Variants in PRKG1 observed in about 807,000 individuals in gnomAD.
The protein encoded by PRKG1 is protein kinase cGMP-dependent 1.
Under a neutral mutation model 88.1 loss-of-function variants are expected in PRKG1, and 35 were observed. That is an observed-to-expected ratio of 0.40 (90% CI 0.30 to 0.53). The LOEUF (loss-of-function observed/expected upper bound fraction) is 0.53, where lower values mean the gene tolerates loss of function less well. Among genes scored for constraint, PRKG1 ranks in the 20% least tolerant of loss-of-function variants. The pLI is 0.59. For synonymous variants in PRKG1, 303 were observed against 292.5 expected (o/e 1.04, Z -0.37); for missense variants, 540 against 839.8 (o/e 0.64, Z 4.41).
At chr10:51,259,765 C>G (rs993637250) in intron 2 of PRKG1, among the ~76,000 whole-genome samples, 1 of 152,144 alleles carries the variant, frequency 6.6e-6, no homozygotes, top group Admixed American at 6.5e-5. Context: ...CATGAGCCAC[C>G]GCGCCTGGCC....
chr10:51,179,017 A>G (rs1360226643), intron 2 of PRKG1, among the ~76,000 whole-genome samples: 2 of 152,184 alleles, frequency 1.3e-5, no homozygotes, highest in African/African-American at 4.8e-5. Context: ...TTTATTATGT[A>G]TGAGCAAATA....
intron 3 of PRKG1, among the ~76,000 whole-genome samples, chr10:51,685,740 G>T (rs1840971596): frequency 1.3e-5 from 2 of 152,124 alleles, no homozygotes; most frequent in Admixed American, 1.3e-4. Flanking sequence ...TGAACAGCTG[G>T]AAATGAACTG....
chr10:51,882,376 C>T (rs982930853), intron 4 of PRKG1, among the ~76,000 whole-genome samples: 1 of 152,150 alleles, frequency 6.6e-6, no homozygotes, highest in Non-Finnish European at 1.5e-5. Flanking sequence ...CTTCTTGCTA[C>T]CACCTGGTGT....
At chr10:51,910,603 A>T (rs1056336878) in intron 5 of PRKG1, 2 of 152,198 alleles carry the variant, frequency 1.3e-5, no homozygotes, top group African/African-American at 4.8e-5. Context: ...AGAGGGGAAT[A>T]TTAAGCCCTC....
intron 3 of PRKG1, among the ~76,000 whole-genome samples, chr10:51,659,419 G>T (rs1292957008): frequency 6.6e-6 from 1 of 152,076 alleles, no homozygotes; most frequent in African/African-American, 2.4e-5. Context: ...GAGCCATCTG[G>T]CTGGGAGAAC....
At chr10:52,126,065 C>T (rs578189760) in intron 7 of PRKG1, 1 of 152,064 alleles carries the variant, frequency 6.6e-6, no homozygotes, top group African/African-American at 2.4e-5. Flanking sequence ...CAATTTAAAA[C>T]GTATGACTTG....
intron 5 of PRKG1, among the ~76,000 whole-genome samples, chr10:51,954,284 G>A (rs1843252753): frequency 1.3e-5 from 2 of 152,104 alleles, no homozygotes; most frequent in South Asian, 2.1e-4. Context: ...GTCTAAATAT[G>A]AAATGAACCA....
chr10:51,043,862 T>C (rs867638020), intron 1 of PRKG1, among the ~76,000 whole-genome samples: 5 of 152,158 alleles, frequency 3.3e-5, no homozygotes, highest in African/African-American at 1.2e-4. Flanking sequence ...GAGTTCTAGA[T>C]TGCTGACAGT....
chr10:51,874,917 G>A (rs1217673802), intron 4 of PRKG1, among the ~76,000 whole-genome samples: 1 of 152,124 alleles, frequency 6.6e-6, no homozygotes, highest in East Asian at 1.9e-4. Flanking sequence ...ATTAATTTGA[G>A]CCCCTACTGT....
At chr10:52,029,782 C>T (rs1379207629) in intron 5 of PRKG1, among the ~76,000 whole-genome samples, 1 of 152,082 alleles carries the variant, frequency 6.6e-6, no homozygotes, top group Admixed American at 6.6e-5. Context: ...TGCATGGTTC[C>T]CTTAGTTGTG....
intron 9 of PRKG1, among the ~76,000 whole-genome samples, chr10:52,175,863 T>TAA (rs1410091948): frequency 2.6e-5 from 4 of 152,156 alleles, no homozygotes; most frequent in African/African-American, 9.6e-5. Flanking sequence ...GCTGTTGAGA[T>TAA]GTTTGAGTTC....
chr10:51,904,328 A>T (rs1181368437), intron 4 of PRKG1, among the ~76,000 whole-genome samples: 1 of 152,108 alleles, frequency 6.6e-6, no homozygotes, highest in Non-Finnish European at 1.5e-5. Context: ...TCAGTTTTCT[A>T]AAGGATAGAA....
chr10:52,232,745 A>G (rs1386933550), intron 9 of PRKG1, among the ~76,000 whole-genome samples: 1 of 152,154 alleles, frequency 6.6e-6, no homozygotes, highest in East Asian at 1.9e-4. Flanking sequence ...TTCACACACT[A>G]AGTCCCTCAA....
intron 2 of PRKG1, among the ~76,000 whole-genome samples, chr10:51,237,088 A>G (rs1291816123): frequency 6.6e-6 from 1 of 152,220 alleles, no homozygotes; most frequent in Non-Finnish European, 1.5e-5. Flanking sequence ...TGCTCAGATA[A>G]CAAAGTTCAT....
At chr10:51,473,306 A>AT (rs1001722347) in intron 3 of PRKG1, among the ~76,000 whole-genome samples, 4 of 151,606 alleles carry the variant, frequency 2.6e-5, no homozygotes, top group Non-Finnish European at 4.4e-5. Flanking sequence ...TTTTAATCTC[A>AT]TTTTTTTTGT....
chr10:52,280,768 CA>C lies in PRKG1; in HGVS notation c.1404-20del. ...AGAAATTAATTTTTTATACAATTTTCATTCCATTTCTGCACCTCAGAGGTTC... is the reference window on the plus strand; with the variant it reads ...AGAAATTAATTTTTTATACAATTTTCTTCCATTTCTGCACCTCAGAGGTTC... On this transcript the variant is annotated intron_variant, in intron 12 of 17. Coordinates refer to ENST00000373980, the MANE Select transcript of PRKG1 (RefSeq NM_006258.4). The C allele has an allele frequency of 6.2e-7, 1 of 1,601,572 alleles. No individual in the cohort carries two copies.
Position 51,132,921 on chromosome 10 carries a change from T to C in PRKG1, c.312-20243T>C, listed in dbSNP as rs181113289. 3.3e-3 allele frequency among the ~76,000 whole-genome samples: 499 copies of C among 152,180 alleles called. 6 individuals carry two copies. The highest frequency in any genetic ancestry group is 0.033 in the South Asian group (157 of 4,818). On this transcript the variant is annotated intron_variant, in intron 1 of 17. Coordinates refer to ENST00000373980, the MANE Select transcript of PRKG1 (RefSeq NM_006258.4). ...CATCAGAGTGTACCCCATAAATGTA[T>C]ATAATTATGATTTGTTAATCAAAAA...
At chr10:51,879,677 G>A (rs764424359) in intron 4 of PRKG1, among the ~76,000 whole-genome samples, 3 of 152,184 alleles carry the variant, frequency 2.0e-5, no homozygotes, top group African/African-American at 7.2e-5. Flanking sequence ...CCTATGTGTA[G>A]ATTTAGTATA....
At chr10:51,048,702 G>T (rs1946381925) in intron 1 of PRKG1, among the ~76,000 whole-genome samples, 1 of 152,156 alleles carries the variant, frequency 6.6e-6, no homozygotes, top group Non-Finnish European at 1.5e-5. Context: ...GTCAACGCTT[G>T]CAAATCACTA....
Sources: gnomAD v4.1 joint callset for allele counts (sites outside exome capture counted in the v4.1 genomes callset) on GRCh38, gnomAD v4.1.1 for gene constraint, MANE v1.5 for transcripts, NCBI Gene and HGNC (gene_info 2026-07-23, HGNC 2026-07-21) for gene names.